GNAO1: variants seen among roughly 807,000 people sequenced by gnomAD.
GNAO1 encodes guanine nucleotide-binding protein G(o) subunit alpha.
For synonymous variants in GNAO1, 164 were observed against 180.7 expected (o/e 0.91, Z 0.74); for missense variants, 166 against 478.7 (o/e 0.35, Z 6.10).
At chr16:56,229,227 G>A (rs2036564015) in intron 2 of GNAO1, among the ~76,000 whole-genome samples, 1 of 152,092 alleles carries the variant, frequency 6.6e-6, no homozygotes, top group Non-Finnish European at 1.5e-5. Flanking sequence ...TTGAGATGGA[G>A]TCTCACTTAC....
At chr16:56,259,831 A>G (rs115427454) in intron 2 of GNAO1, among the ~76,000 whole-genome samples, 1,979 of 152,320 alleles carry the variant, frequency 0.013, 44 homozygotes, top group African/African-American at 0.037. Context: ...TAATGTGGAC[A>G]TTGTTTAATG....
Position 56,192,136 on chromosome 16 carries a change from C to A in GNAO1, c.-100C>A. The A allele has an allele frequency of 1.5e-6, 1 of 675,526 alleles. No homozygotes were observed. The highest frequency in any genetic ancestry group is 1.7e-5 in the South Asian group (1 of 59,414). The allele number at this position is 675,526 out of a possible 1,614,324, so 41.8% of individuals were successfully genotyped here. A position where few individuals can be genotyped will look rare whatever the true frequency, so the allele number is the denominator to read the frequency against. ...AGGAGAGGATATCGTGATTTTCCCC[C>A]CTTGAGCCCAGGCTCTGCTCTCTGG... is the stretch of plus-strand genomic sequence containing the variant. On this transcript the variant is annotated 5_prime_UTR_variant, in exon 1 of 9. Coordinates refer to ENST00000262493, the MANE Select transcript of GNAO1 (RefSeq NM_020988.3).
chr16:56,300,039 GCGCGCGCGCGCGCACGCACATGTGCT>G (rs1489537927), intron 3 of GNAO1, among the ~76,000 whole-genome samples: 1 of 92,126 alleles, frequency 1.1e-5, no homozygotes, highest in Admixed American at 1.2e-4. Flanking sequence ...GTGTGTGTGC[GCGCGCGCGCGCGCACGCACATGTGCT>G]TGTGAGTGTG....
intron 6 of GNAO1, among the ~76,000 whole-genome samples, chr16:56,339,296 C>T (rs1423820574): frequency 1.3e-5 from 2 of 152,200 alleles, no homozygotes; most frequent in South Asian, 2.1e-4. Context: ...CGGGCCTGCA[C>T]CTCCTCCTCT....
intron 6 of GNAO1, among the ~76,000 whole-genome samples, chr16:56,350,175 G>A (rs1247755962): frequency 1.3e-5 from 2 of 152,148 alleles, no homozygotes; most frequent in African/African-American, 4.8e-5. Context: ...CCCTGGGGGA[G>A]GAGGTCATCT....
chr16:56,215,382 G>A (rs1025528560), intron 2 of GNAO1, among the ~76,000 whole-genome samples: 14 of 152,198 alleles, frequency 9.2e-5, no homozygotes, highest in Non-Finnish European at 1.9e-4. Context: ...TGCTCACCAT[G>A]AGCCTGACAC....
At chr16:56,267,618 G>T (rs1383038664) in intron 2 of GNAO1, among the ~76,000 whole-genome samples, 2 of 152,158 alleles carry the variant, frequency 1.3e-5, no homozygotes, top group African/African-American at 4.8e-5. Flanking sequence ...TGAGAGGCCG[G>T]TCCCACCCTC....
At chr16:56,214,076 AG>A (rs2036417554) in intron 2 of GNAO1, among the ~76,000 whole-genome samples, 1 of 152,060 alleles carries the variant, frequency 6.6e-6, no homozygotes. Flanking sequence ...CCATGAATGA[AG>A]GGGGTTGACT....
At chr16:56,349,820 C>T (rs2037904866) in intron 6 of GNAO1, among the ~76,000 whole-genome samples, 2 of 152,138 alleles carry the variant, frequency 1.3e-5, no homozygotes, top group African/African-American at 2.4e-5. Context: ...CTCTACAGGT[C>T]ATGGTAGAAT....
chr16:56,304,903 G>A (rs568997529), intron 3 of GNAO1, among the ~76,000 whole-genome samples: 2 of 152,362 alleles, frequency 1.3e-5, no homozygotes, highest in South Asian at 2.1e-4. Flanking sequence ...GAAGGACACT[G>A]TCCACCTCCA....
chr16:56,278,651 A>T (rs2037086569), intron 3 of GNAO1, among the ~76,000 whole-genome samples: 1 of 152,160 alleles, frequency 6.6e-6, no homozygotes, highest in South Asian at 2.1e-4. Flanking sequence ...AAACAAGCCC[A>T]CAAGTAGGTG....
At chr16:56,322,539 C>G (rs1326354611) in intron 3 of GNAO1, among the ~76,000 whole-genome samples, 1 of 152,066 alleles carries the variant, frequency 6.6e-6, no homozygotes, top group Non-Finnish European at 1.5e-5. Context: ...TTTTTTTGTG[C>G]TGGCAAAGCC....
At chr16:56,257,177 G>A (rs369316126) in intron 2 of GNAO1, among the ~76,000 whole-genome samples, 12 of 151,608 alleles carry the variant, frequency 7.9e-5, no homozygotes, top group African/African-American at 2.7e-4. Context: ...ACTGGGTTTG[G>A]GGGGGGGAAA....
At position 56,315,045 on chromosome 16, in the gene GNAO1, A is replaced by C. The variant is rs559129417; in HGVS notation, c.304-13586A>C. ...TGCCCACTCTGATGAATGGCACAGG[A>C]GCCAGTGTCCCCGGGGAAAGGATGA... On this transcript the variant is annotated intron_variant, in intron 3 of 8. Coordinates refer to ENST00000262493, the MANE Select transcript of GNAO1 (RefSeq NM_020988.3). Among the ~76,000 whole-genome samples the C allele has an allele frequency of 1.8e-4, 28 of 152,296 alleles. No homozygotes were observed. The South Asian group carries it at 2.9e-3, about 16-fold the overall frequency.
At chr16:56,334,947 A>C in intron 5 of GNAO1, 90 bp downstream of exon 5, 12 of 1,384,988 alleles carry the variant, frequency 8.7e-6, no homozygotes, top group Non-Finnish European at 1.1e-5. Flanking sequence ...GCGCCCAAAC[A>C]TCATCCTGCC....
intron 3 of GNAO1, chr16:56,302,999 C>G (rs1332269292): frequency 6.6e-6 from 1 of 152,226 alleles, no homozygotes; most frequent in African/African-American, 2.4e-5. Context: ...CACCTGGTAT[C>G]TACTATCTCC....
At chr16:56,201,150 C>G (rs1391870229) in intron 2 of GNAO1, among the ~76,000 whole-genome samples, 1 of 152,168 alleles carries the variant, frequency 6.6e-6, no homozygotes, top group Non-Finnish European at 1.5e-5. Context: ...GGAAGGGCCA[C>G]AATGTCTGTA....
At chr16:56,226,535 C>T (rs1183793781) in intron 2 of GNAO1, 3 of 152,208 alleles carry the variant, frequency 2.0e-5, no homozygotes, top group Non-Finnish European at 4.4e-5. Flanking sequence ...TGGCTTTGCT[C>T]TGAGCACCTG....
In GNAO1 at chr16:56,311,617, C is replaced by A. The variant is rs2037459671; in HGVS notation, c.304-17014C>A. On this transcript the variant is annotated intron_variant, in intron 3 of 8. Transcript: ENST00000262493. This position sits in a 1 kb window ranked among gnomAD's most constrained non-coding sequence, Gnocchi z 5.2. ...TGAACTGAGAACCCGAGGAGCGCGT[C>A]CCCTCCCTCCTCCCTCCCTGCTGAC... Among the ~76,000 whole-genome samples, 2 of 152,144 alleles carry A rather than the reference C, an allele frequency of 1.3e-5. No homozygotes were observed. Among genetic ancestry groups the A allele is most frequent in the South Asian group, 4.1e-4 (2 of 4,826 alleles).
Sources: gnomAD v4.1 joint callset for allele counts (sites outside exome capture counted in the v4.1 genomes callset) on GRCh38, gnomAD v4.1.1 for gene constraint, Gnocchi (gnomAD v3.1) non-coding constraint, MANE v1.5 for transcripts, NCBI Gene and HGNC (gene_info 2026-07-23, HGNC 2026-07-21) for gene names.